Variants in PMEPA1 observed in about 807,000 individuals in gnomAD.
PMEPA1 encodes the protein prostate transmembrane protein, androgen induced 1.
A neutral mutation model predicts 23.0 loss-of-function variants in PMEPA1; 11 were observed. The observed-to-expected ratio is 0.48, with a 90% CI of 0.30 to 0.79. The LOEUF (loss-of-function observed/expected upper bound fraction) is 0.79, where lower values mean the gene tolerates loss of function less well. Ranked by LOEUF, PMEPA1 falls within the 30% of genes least tolerant of loss-of-function variation. The pLI is 0.06. For synonymous variants in PMEPA1, 204 were observed against 166.4 expected (o/e 1.23, Z -1.74); for missense variants, 377 against 390.9 (o/e 0.96, Z 0.30).
chr20:57,699,304 C>T (rs774557463), intron 1 of PMEPA1, among the ~76,000 whole-genome samples: 31 of 152,234 alleles, frequency 2.0e-4, no homozygotes, highest in Admixed American at 2.0e-3. Context: ...TACTTACCAT[C>T]GGCACCAACA....
rs2071747371 is a variant in PMEPA1, at chr20:57,683,429, C to A, written c.110-23732G>T. ...CAGACGCATCTGCCAGCCTGAGGAT[C>A]CAATATTTAATAGCCCATCCTTCAG... On this transcript the variant is annotated intron_variant, in intron 1 of 3. Transcript: ENST00000341744. This position sits in a 1 kb window ranked among gnomAD's most constrained non-coding sequence, Gnocchi z 4.3. Among the ~76,000 whole-genome samples the A allele has an allele frequency of 6.6e-6, 1 of 152,104 alleles. No individual in the cohort carries two copies. The highest frequency in any genetic ancestry group is 6.5e-5 in the Admixed American group (1 of 15,278).
At chr20:57,689,273 C>T (rs1261468581) in intron 1 of PMEPA1, among the ~76,000 whole-genome samples, 2 of 152,214 alleles carry the variant, frequency 1.3e-5, no homozygotes, top group East Asian at 1.9e-4. Flanking sequence ...CGGCCCAAAT[C>T]CCACTTTCTG....
intron 1 of PMEPA1, among the ~76,000 whole-genome samples, chr20:57,685,209 G>A (rs1044302053): frequency 2.0e-5 from 3 of 152,002 alleles, no homozygotes; most frequent in African/African-American, 7.3e-5. Flanking sequence ...CACTCTCCTC[G>A]CCAGGGTACC....
At chr20:57,659,750 G>A in intron 1 of PMEPA1, 53 bp from the exon 2 acceptor site, 1 of 1,514,434 alleles carries the variant, frequency 6.6e-7, no homozygotes, top group South Asian at 1.2e-5. Context: ...AGGTCGCTGT[G>A]CTCAGGGCTC....
chr20:57,701,598 C>T (rs1176811377), intron 1 of PMEPA1, among the ~76,000 whole-genome samples: 4 of 152,098 alleles, frequency 2.6e-5, no homozygotes, highest in Admixed American at 1.3e-4. Context: ...CAGTTTCCTG[C>T]CCCCAATAGT....
At chr20:57,697,250 G>A (rs776872475) in intron 1 of PMEPA1, among the ~76,000 whole-genome samples, 2 of 152,192 alleles carry the variant, frequency 1.3e-5, no homozygotes, top group South Asian at 4.1e-4. Flanking sequence ...TCCACAACCC[G>A]ATGGTCAACA....
chr20:57,710,588 G>T, upstream of PMEPA1: 2 of 962,306 alleles, frequency 2.1e-6, no homozygotes, highest in South Asian at 3.3e-5. Context: ...GGGAACTCGC[G>T]TAGACACGCC....
In PMEPA1 at chr20:57,652,576, C is replaced by T; in HGVS notation, c.341G>A (p.Arg114Gln). Residue 114 changes from arginine (R) to glutamine (Q), a missense_variant, in exon 4 of 4, where the codon CGG becomes CAG. By Grantham distance (43) the Arg-to-Gln change is conservative. Around this residue, in one of 3 missense-constraint regions of PMEPA1, gnomAD observed 198 missense variants for 196.3 expected, o/e 1.01. Coordinates refer to ENST00000341744, the MANE Select transcript of PMEPA1 (RefSeq NM_020182.5). This position sits in a 1 kb window ranked among gnomAD's most constrained non-coding sequence, Gnocchi z 6.1. ...IPEPQVYAPP[R>Q]PTDRLAVPPF... is the part of the protein sequence containing the mutation. The stretch of plus-strand genomic sequence containing the variant: ...CGGCACGGCCAGGCGGTCGGTGGGC[C>T]GAGGCGGGGCGTAGACCTGCGGCTG... 6.7e-7 allele frequency: 1 copy of T among 1,501,682 alleles called. No individual in the cohort carries two copies. The highest frequency in any genetic ancestry group is 8.9e-7 in the Non-Finnish European group (1 of 1,125,590). The allele number at this position is 1,501,682 out of a possible 1,614,324, so 93.0% of individuals were successfully genotyped here.
chr20:57,684,328 C>A (rs978762853), intron 1 of PMEPA1, among the ~76,000 whole-genome samples: 3 of 151,998 alleles, frequency 2.0e-5, no homozygotes, highest in African/African-American at 7.2e-5. Flanking sequence ...CTCTCCACCC[C>A]GCAGCCCTCG....
intron 1 of PMEPA1, among the ~76,000 whole-genome samples, chr20:57,694,742 C>A (rs1330810928): frequency 6.6e-6 from 1 of 152,172 alleles, no homozygotes; most frequent in Non-Finnish European, 1.5e-5. Context: ...TGCAGGGCTG[C>A]ATGTGGTGCT....
chr20:57,681,173 CA>C (rs2071707606), intron 1 of PMEPA1, among the ~76,000 whole-genome samples: 1 of 152,180 alleles, frequency 6.6e-6, no homozygotes, highest in Non-Finnish European at 1.5e-5. Flanking sequence ...GCTGGTGGGG[CA>C]GGGGTGAGGC....
chr20:57,693,852 T>C (rs1000822711), intron 1 of PMEPA1, among the ~76,000 whole-genome samples: 30 of 152,258 alleles, frequency 2.0e-4, no homozygotes, highest in Admixed American at 1.7e-3. Flanking sequence ...TGAGGAGGTG[T>C]TGGGTGGTGA....
intron 1 of PMEPA1, among the ~76,000 whole-genome samples, chr20:57,670,630 T>C (rs973259803): frequency 6.6e-6 from 1 of 152,198 alleles, no homozygotes; most frequent in Non-Finnish European, 1.5e-5. Context: ...CCCTGCCCTA[T>C]GGTCTGAGCC....
rs1040346174 is a variant in PMEPA1, at chr20:57,656,329, C to T, written c.264+3214G>A. ...ACATTGGCCTGGCCACAGTCTTGTCCCTGCCCCTGGGAAATGGGCCCTTGG... is the reference window on the plus strand; with the variant it reads ...ACATTGGCCTGGCCACAGTCTTGTCTCTGCCCCTGGGAAATGGGCCCTTGG... On this transcript the variant is annotated intron_variant, in intron 2 of 3. Coordinates refer to ENST00000341744, the MANE Select transcript of PMEPA1 (RefSeq NM_020182.5). The surrounding 1 kb of genome is among the most constrained non-coding windows in gnomAD (Gnocchi z 4.7). 1.3e-5 allele frequency among the ~76,000 whole-genome samples: 2 copies of T among 151,536 alleles called. No homozygotes were observed. The highest frequency in any genetic ancestry group is 2.9e-5 in the Non-Finnish European group (2 of 67,810).
intron 1 of PMEPA1, among the ~76,000 whole-genome samples, chr20:57,679,509 C>T (rs563660165): frequency 9.2e-5 from 14 of 152,194 alleles, no homozygotes; most frequent in Non-Finnish European, 1.5e-4. Flanking sequence ...TCAGACAATG[C>T]GGGAGCCGTG....
chr20:57,666,890 G>T (rs1371654888), intron 1 of PMEPA1, among the ~76,000 whole-genome samples: 2 of 152,250 alleles, frequency 1.3e-5, no homozygotes, highest in African/African-American at 4.8e-5. Flanking sequence ...CCGAGGGGCA[G>T]CATTGCCCCA....
intron 2 of PMEPA1, among the ~76,000 whole-genome samples, chr20:57,658,965 T>C (rs987154458): frequency 2.6e-5 from 4 of 152,220 alleles, no homozygotes; most frequent in Non-Finnish European, 4.4e-5. Context: ...AATGCCTTCC[T>C]GTGCTGCCTG....
chr20:57,702,096 G>A (rs1349408517), intron 1 of PMEPA1, among the ~76,000 whole-genome samples: 1 of 152,190 alleles, frequency 6.6e-6, no homozygotes, highest in African/African-American at 2.4e-5. Context: ...AATGACTCGT[G>A]TTCTTTCACC....
rs1264079598 is a variant in PMEPA1, at chr20:57,709,930, C to G, written c.-348G>C. 1 of 1,011,726 alleles carries G rather than the reference C, an allele frequency of 9.9e-7. No homozygotes were observed. The highest frequency in any genetic ancestry group is 1.2e-6 in the Non-Finnish European group (1 of 850,282). The allele number at this position is 1,011,726 out of a possible 1,614,324, so 62.7% of individuals were successfully genotyped here. Reference sequence around the variant, plus strand: ...AGCCGAGCGCCTCCGCCGCCGCCGCCGCCGCCGCCTCCTCCTCCTCATTCA... The same window carrying G: ...AGCCGAGCGCCTCCGCCGCCGCCGCGGCCGCCGCCTCCTCCTCCTCATTCA... On this transcript the variant is annotated 5_prime_UTR_variant, in exon 1 of 4. Coordinates refer to ENST00000341744, the MANE Select transcript of PMEPA1 (RefSeq NM_020182.5).
Sources: allele counts gnomAD v4.1 joint callset (sites outside exome capture counted in the v4.1 genomes callset), GRCh38; gene constraint gnomAD v4.1.1; regional missense constraint gnomAD v4.1.1; non-coding constraint Gnocchi (gnomAD v3.1); transcripts MANE v1.5; gene names NCBI Gene and HGNC (gene_info 2026-07-23, HGNC 2026-07-21).